Variants in TP63 observed in about 807,000 individuals in gnomAD.
The protein encoded by TP63 is tumor protein p63, also known as tumor protein 63.
A neutral mutation model predicts 82.8 loss-of-function variants in TP63; 17 were observed. The ratio of observed to expected loss-of-function variants is 0.21; its 90% CI spans 0.14 to 0.31. The LOEUF is 0.31. Among genes scored for constraint, TP63 ranks in the 10% least tolerant of loss-of-function variants. The pLI, the probability that TP63 is intolerant of heterozygous loss-of-function variation, is 1.00. For missense variants in TP63, 648 were observed against 895.3 expected, an observed-to-expected ratio of 0.72 and a Z score of 3.52; for synonymous variants, 330 against 321.7, an observed-to-expected ratio of 1.03 and a Z score of -0.28.
chr3:189,621,705 AAAG>A, the TP63 span, among the ~76,000 whole-genome samples: 838 of 152,238 alleles, frequency 5.5e-3, 4 homozygotes, highest in Non-Finnish European at 7.8e-3. Flanking sequence ...TTGATCTGGA[AAAG>A]AAGGATTTTT....
At chr3:189,608,038 A>G in the TP63 span, among the ~76,000 whole-genome samples, 2 of 152,116 alleles carry the variant, frequency 1.3e-5, no homozygotes, top group African/African-American at 4.8e-5. Flanking sequence ...AAGATCTCTG[A>G]TAACAACTAA....
At chr3:189,620,582 A>G in the TP63 span, among the ~76,000 whole-genome samples, 2 of 152,180 alleles carry the variant, frequency 1.3e-5, no homozygotes, top group African/African-American at 2.4e-5. Flanking sequence ...TTCAATAGAA[A>G]TAGTTTCAGA....
At chr3:189,727,270 T>C (rs1719839882) in intron 1 of TP63, among the ~76,000 whole-genome samples, 2 of 152,226 alleles carry the variant, frequency 1.3e-5, no homozygotes, top group Admixed American at 1.3e-4. Context: ...AGAACTGTCA[T>C]CAGATTCCCA....
intron 1 of TP63, among the ~76,000 whole-genome samples, chr3:189,670,724 G>A (rs558248339): frequency 6.6e-6 from 1 of 152,034 alleles, no homozygotes; most frequent in Admixed American, 6.6e-5. Flanking sequence ...CGGTGGGACA[G>A]AACAGAGAAC....
At chr3:189,709,648 A>AAT (rs1718451192) in intron 1 of TP63, among the ~76,000 whole-genome samples, 1 of 151,926 alleles carries the variant, frequency 6.6e-6, no homozygotes, top group Non-Finnish European at 1.5e-5. Context: ...CCGTCTCAAA[A>AAT]AATAATAATA....
intron 1 of TP63, among the ~76,000 whole-genome samples, chr3:189,717,265 A>G (rs1719034550): frequency 6.6e-6 from 1 of 152,194 alleles, no homozygotes; most frequent in African/African-American, 2.4e-5. Context: ...TATTATCACT[A>G]TTTAATAACC....
At chr3:189,810,272 C>G (rs888064975) in intron 4 of TP63, among the ~76,000 whole-genome samples, 7 of 152,130 alleles carry the variant, frequency 4.6e-5, no homozygotes, top group Non-Finnish European at 1.0e-4. Flanking sequence ...TAAAGAGCCA[C>G]TAGAATAACC....
chr3:189,856,928 T>G (rs1913719), intron 4 of TP63, among the ~76,000 whole-genome samples: 20,081 of 151,996 alleles, frequency 0.13, 1,545 homozygotes, highest in African/African-American at 0.22. Context: ...AGACACCACA[T>G]TGCTAAGGTA....
At chr3:189,831,055 T>C (rs534021510) in intron 4 of TP63, among the ~76,000 whole-genome samples, 122 of 152,238 alleles carry the variant, frequency 8.0e-4, no homozygotes, top group Non-Finnish European at 1.6e-3. Flanking sequence ...GAGGGCAGCC[T>C]GTATTTCTGT....
At chr3:189,740,228 G>A (rs1720885645) in intron 3 of TP63, among the ~76,000 whole-genome samples, 1 of 152,098 alleles carries the variant, frequency 6.6e-6, no homozygotes, top group South Asian at 2.1e-4. Context: ...GTCATTCAAG[G>A]CCTTGGACTA....
intron 4 of TP63, among the ~76,000 whole-genome samples, chr3:189,861,008 T>C (rs1404647506): frequency 6.6e-6 from 1 of 152,198 alleles, no homozygotes; most frequent in Admixed American, 6.5e-5. Context: ...CCTACCTTCC[T>C]CATTTTTGGA....
chr3:189,614,423 T>C, the TP63 span, among the ~76,000 whole-genome samples: 1 of 152,318 alleles, frequency 6.6e-6, no homozygotes, highest in East Asian at 1.9e-4. Context: ...ACCTCCTCCT[T>C]TTGTAAATTG....
intron 3 of TP63, among the ~76,000 whole-genome samples, chr3:189,757,599 T>C (rs887856374): frequency 3.2e-4 from 48 of 149,012 alleles, no homozygotes; most frequent in African/African-American, 1.0e-3. Flanking sequence ...GAGCAATTAC[T>C]GATGCAGGAC....
chr3:189,783,297 T>A (rs1303735002), intron 3 of TP63, among the ~76,000 whole-genome samples: 1 of 151,968 alleles, frequency 6.6e-6, no homozygotes, highest in Non-Finnish European at 1.5e-5. Context: ...ACAAAATATA[T>A]CTTTGGTATT....
intron 4 of TP63, among the ~76,000 whole-genome samples, chr3:189,830,755 G>C (rs995094617): frequency 3.9e-5 from 6 of 152,134 alleles, no homozygotes; most frequent in African/African-American, 1.4e-4. Context: ...AAATTAATAT[G>C]TGACGCAAGA....
chr3:189,695,092 C>A (rs564284283), intron 1 of TP63, among the ~76,000 whole-genome samples: 3 of 151,886 alleles, frequency 2.0e-5, no homozygotes, highest in Admixed American at 6.6e-5. Flanking sequence ...TATTTTCTAT[C>A]TTCTTGAGGG....
chr3:189,896,546 A>G lies in TP63; in HGVS notation c.*2044A>G. 4.7e-6 allele frequency: 1 copy of G among 211,428 alleles called. No homozygotes were observed. The highest frequency in any genetic ancestry group is 7.1e-5 in the East Asian group (1 of 14,130). 13.1% of individuals were successfully genotyped at this position (211,428 alleles called of 1,614,324 possible). On this transcript the variant is annotated 3_prime_UTR_variant, in exon 14 of 14. Coordinates refer to ENST00000264731, the MANE Select transcript of TP63 (RefSeq NM_003722.5). The stretch of plus-strand genomic sequence containing the variant: ...GTAATAAGCACTGTAAACTTCTGCA[A>G]CAAGCATGCAGCTTTGCAAACCCAT...
At chr3:189,742,344 A>G (rs1345791305) in intron 3 of TP63, among the ~76,000 whole-genome samples, 1 of 151,980 alleles carries the variant, frequency 6.6e-6, no homozygotes, top group African/African-American at 2.4e-5. Flanking sequence ...TGAGGTAGAT[A>G]ATAATATTAA....
At chr3:189,604,671 G>A in the TP63 span, among the ~76,000 whole-genome samples, 8 of 152,096 alleles carry the variant, frequency 5.3e-5, no homozygotes, top group East Asian at 3.9e-4. Context: ...TTAGGTTGCC[G>A]GGAGAGGGGA....
Sources: gnomAD v4.1 joint callset for allele counts (sites outside exome capture counted in the v4.1 genomes callset) on GRCh38, gnomAD v4.1.1 for gene constraint, MANE v1.5 for transcripts, NCBI Gene and HGNC (gene_info 2026-07-23, HGNC 2026-07-21) for gene names.